ATRN: variants seen among roughly 807,000 people sequenced by gnomAD.
ATRN encodes attractin.
ATRN carries 54 observed loss-of-function variants against 178.7 expected under a neutral mutation model. The ratio of observed to expected loss-of-function variants is 0.30; its 90% CI spans 0.24 to 0.38. The LOEUF is 0.38. Among genes scored for constraint, ATRN ranks in the 10% least tolerant of loss-of-function variants. The pLI, the probability that ATRN is intolerant of heterozygous loss-of-function variation, is 1.00. For synonymous variants in ATRN, 636 were observed against 663.0 expected (o/e 0.96, Z 0.63); for missense variants, 1,443 against 1,815.1 (o/e 0.79, Z 3.73).
Position 3,584,345 on chromosome 20 carries a change from C to G in ATRN, c.2950+262C>G, listed in dbSNP as rs117209143. On this transcript the variant is annotated intron_variant, in intron 17 of 28. Transcript: ENST00000262919. ...CTTGTCCAACTTCAGTGTCATATTGCTCAATCCATGTAATATCTCCATATC... is the reference window on the plus strand; with the variant it reads ...CTTGTCCAACTTCAGTGTCATATTGGTCAATCCATGTAATATCTCCATATC... Among the ~76,000 whole-genome samples the G allele has an allele frequency of 9.6e-3, 1,455 of 152,278 alleles. 11 individuals are homozygous for G. The highest frequency in any genetic ancestry group is 0.031 in the South Asian group (147 of 4,818).
chr20:3,536,786 C>T (rs1259167628), intron 2 of ATRN, among the ~76,000 whole-genome samples: 1 of 152,004 alleles, frequency 6.6e-6, no homozygotes, highest in African/African-American at 2.4e-5. Flanking sequence ...TGAAGCGTGT[C>T]AAGAAGATGA....
intron 23 of ATRN, 42 bp from the exon 24 acceptor site, chr20:3,604,063 C>T (rs1329661009): frequency 6.5e-7 from 1 of 1,528,424 alleles, no homozygotes; most frequent in Non-Finnish European, 8.8e-7. Flanking sequence ...CCCCTAGCCC[C>T]CCAAAAAATG....
At position 3,620,027 on chromosome 20, in the gene ATRN, C is replaced by G. The variant is rs145703646; in HGVS notation, c.3802-4484C>G. Reference sequence around the variant, plus strand: ...CTTTCCCTGCCTCCAGGTTTGGGCCCTGCCTCTCCTTTTGTTTCAAAGCAC... The same window carrying G: ...CTTTCCCTGCCTCCAGGTTTGGGCCGTGCCTCTCCTTTTGTTTCAAAGCAC... On this transcript the variant is annotated intron_variant, in intron 24 of 28. Transcript: ENST00000262919. Among the ~76,000 whole-genome samples, 1,293 of 152,258 alleles carry G rather than the reference C, an allele frequency of 8.5e-3. 16 individuals carry two copies. Among genetic ancestry groups the G allele is most frequent in the Middle Eastern group, 0.048 (14 of 294 alleles).
chr20:3,511,199 T>C (rs960117568), intron 1 of ATRN, among the ~76,000 whole-genome samples: 6 of 152,180 alleles, frequency 3.9e-5, no homozygotes, highest in African/African-American at 1.2e-4. Context: ...GAAAAAGCAC[T>C]GTACAATATG....
intron 13 of ATRN, among the ~76,000 whole-genome samples, chr20:3,576,451 AC>A (rs1206264564): frequency 6.6e-6 from 1 of 151,948 alleles, no homozygotes; most frequent in East Asian, 1.9e-4. Flanking sequence ...AGCTTACAAG[AC>A]TTTTTTTTTT....
rs534898177 is a variant in ATRN at position 3,647,894 on chromosome 20, G to A, written c.*1047G>A. On this transcript the variant is annotated 3_prime_UTR_variant, in exon 29 of 29. Coordinates refer to ENST00000262919, the MANE Select transcript of ATRN (RefSeq NM_139321.3). ...TTATCAAAAAGGACACTGTCAAGAAGGCGCCCCCTGCCCCCACCCCCGTGT... is the reference window on the plus strand; with the variant it reads ...TTATCAAAAAGGACACTGTCAAGAAAGCGCCCCCTGCCCCCACCCCCGTGT... The A allele has an allele frequency of 6.6e-6, 1 of 152,288 alleles. No homozygotes were observed. Among genetic ancestry groups the A allele is most frequent in the South Asian group, 2.1e-4 (1 of 4,818 alleles). The allele number at this position is 152,288 out of a possible 1,614,324, so 9.4% of individuals were successfully genotyped here.
rs1280739467 is a variant in ATRN, at chr20:3,648,883, A to C, written c.*2036A>C. ...GGAGGCCCCTGGGTATTGTCCTCCT[A>C]CAAGGAAGATCCTCTTTGTTTGTTC... On this transcript the variant is annotated 3_prime_UTR_variant, in exon 29 of 29. Coordinates refer to ENST00000262919, the MANE Select transcript of ATRN (RefSeq NM_139321.3). The C allele has an allele frequency of 1.3e-5, 2 of 149,992 alleles. No individual in the cohort carries two copies. Among genetic ancestry groups the C allele is most frequent in the Non-Finnish European group, 3.0e-5 (2 of 66,716 alleles). 9.3% of individuals were successfully genotyped at this position (149,992 alleles called of 1,614,324 possible).
Position 3,632,060 on chromosome 20 carries a change from G to T in ATRN, c.3864-2251G>T, listed in dbSNP as rs1272884518. 1.3e-5 allele frequency among the ~76,000 whole-genome samples: 2 copies of T among 152,034 alleles called. No homozygotes were observed. Among genetic ancestry groups the T allele is most frequent in the Non-Finnish European group, 2.9e-5 (2 of 68,014 alleles). ...TATCCTTATGCCTTCCAAATGCCAT[G>T]CCCAGCCCAGACCTGGCAGCCAGCC... On this transcript the variant is annotated intron_variant, in intron 25 of 28. Transcript: ENST00000262919. The surrounding 1 kb of genome is among the most constrained non-coding windows in gnomAD (Gnocchi z 4.2).
chr20:3,504,842 A>G (rs1182461538), intron 1 of ATRN, among the ~76,000 whole-genome samples: 1 of 152,046 alleles, frequency 6.6e-6, no homozygotes, highest in African/African-American at 2.4e-5. Flanking sequence ...ATCAAGACAA[A>G]GGACTTAAAT....
chr20:3,524,560 A>G (rs1430882218), intron 1 of ATRN, among the ~76,000 whole-genome samples: 1 of 152,150 alleles, frequency 6.6e-6, no homozygotes, highest in Non-Finnish European at 1.5e-5. Context: ...CTGGACCAAC[A>G]GGACCTAATA....
intron 1 of ATRN, among the ~76,000 whole-genome samples, chr20:3,502,692 G>C (rs1350964148): frequency 3.3e-5 from 5 of 152,340 alleles, no homozygotes; most frequent in Admixed American, 2.6e-4. Flanking sequence ...CACTGAGGCA[G>C]GTTGGCAGAA....
intron 14 of ATRN, 103 bp downstream of exon 14, chr20:3,577,100 A>C: frequency 1.4e-6 from 2 of 1,399,008 alleles, no homozygotes; most frequent in South Asian, 2.8e-5. Context: ...GGGAAGAGCT[A>C]ATTCTGTCCA....
chr20:3,492,017 T>C (rs1419559572), intron 1 of ATRN, among the ~76,000 whole-genome samples: 1 of 152,202 alleles, frequency 6.6e-6, no homozygotes, highest in Non-Finnish European at 1.5e-5. Flanking sequence ...ACGTGGACTC[T>C]TTCAAAGAGA....
In ATRN at chr20:3,616,773, T is replaced by G. The variant is rs565905363; in HGVS notation, c.3802-7738T>G. 1.1e-4 allele frequency among the ~76,000 whole-genome samples: 17 copies of G among 152,178 alleles called. 1 individual carries two copies. In the South Asian group the frequency reaches 3.5e-3, roughly 32 times the overall value. On this transcript the variant is annotated intron_variant, in intron 24 of 28. Transcript: ENST00000262919. Reference sequence around the variant, plus strand: ...ATTGGAAGGAGCCAGGCCTAAGTCCTGGGAGGACTTAGGAGGTCCAGGAGT... The same window carrying G: ...ATTGGAAGGAGCCAGGCCTAAGTCCGGGGAGGACTTAGGAGGTCCAGGAGT...
intron 2 of ATRN, among the ~76,000 whole-genome samples, chr20:3,538,159 C>T (rs2085567264): frequency 6.9e-6 from 1 of 145,416 alleles, no homozygotes; most frequent in South Asian, 2.3e-4. Flanking sequence ...GAGATGTCTA[C>T]TAACTGGTGA....
At chr20:3,622,808 G>A (rs1216008415) in intron 24 of ATRN, among the ~76,000 whole-genome samples, 1 of 152,196 alleles carries the variant, frequency 6.6e-6, no homozygotes, top group African/African-American at 2.4e-5. Flanking sequence ...TTTATATGAG[G>A]TTCTTTATGA....
chr20:3,498,461 G>A (rs1434020692), intron 1 of ATRN, among the ~76,000 whole-genome samples: 2 of 151,936 alleles, frequency 1.3e-5, no homozygotes, highest in African/African-American at 4.8e-5. Flanking sequence ...GAATCCAGCA[G>A]CACATCAAAA....
At position 3,572,211 on chromosome 20, in the gene ATRN, A is replaced by G. The variant is rs551739116; in HGVS notation, c.1872-520A>G. ...TTTTACCTGTGCTTTAAATTTGTAC[A>G]TTTTTATTTTTAATATTTAAAAAAT... On this transcript the variant is annotated intron_variant, in intron 11 of 28. Coordinates refer to ENST00000262919, the MANE Select transcript of ATRN (RefSeq NM_139321.3). Among the ~76,000 whole-genome samples, 18 of 152,234 alleles carry G rather than the reference A, an allele frequency of 1.2e-4. No homozygotes were observed. In the South Asian group the frequency reaches 3.1e-3, roughly 26 times the overall value.
At chr20:3,621,154 G>A (rs2086894488) in intron 24 of ATRN, among the ~76,000 whole-genome samples, 1 of 152,090 alleles carries the variant, frequency 6.6e-6, no homozygotes, top group Non-Finnish European at 1.5e-5. Context: ...TGGTGAGGGA[G>A]CGTAGAGGAG....
Sources: allele counts gnomAD v4.1 joint callset (sites outside exome capture counted in the v4.1 genomes callset), GRCh38; gene constraint gnomAD v4.1.1; non-coding constraint Gnocchi (gnomAD v3.1); transcripts MANE v1.5; gene names NCBI Gene and HGNC (gene_info 2026-07-23, HGNC 2026-07-21).